SPIRE1: variants seen among roughly 807,000 people sequenced by gnomAD.
SPIRE1 encodes spire type actin nucleation factor 1.
A neutral mutation model predicts 94.1 loss-of-function variants in SPIRE1; 40 were observed. The observed-to-expected ratio is 0.43, with a 90% confidence interval of 0.33 to 0.55. The LOEUF (loss-of-function observed/expected upper bound fraction) is 0.55, where lower values mean the gene tolerates loss of function less well. SPIRE1 is among the 20% of genes least tolerant of loss of function. SPIRE1 has a pLI of 0.06. For missense variants in SPIRE1, 838 were observed against 975.2 expected (o/e 0.86, Z 1.87); for synonymous variants, 376 against 371.7 (o/e 1.01, Z -0.13).
chr18:12,553,689 G>A (rs558857245), intron 2 of SPIRE1, among the ~76,000 whole-genome samples: 8 of 152,220 alleles, frequency 5.3e-5, no homozygotes, highest in Admixed American at 1.3e-4. Flanking sequence ...GGAAGGACAA[G>A]GGCCTGGCTG....
chr18:12,552,884 C>T (rs963031809), intron 2 of SPIRE1, among the ~76,000 whole-genome samples: 5 of 152,150 alleles, frequency 3.3e-5, no homozygotes, highest in Non-Finnish European at 7.3e-5. Context: ...GGGGTTTTGT[C>T]TGCGGCTCTT....
At chr18:12,484,589 G>A (rs920649558) in intron 9 of SPIRE1, among the ~76,000 whole-genome samples, 5 of 152,156 alleles carry the variant, frequency 3.3e-5, no homozygotes, top group African/African-American at 7.2e-5. Flanking sequence ...GAATTTGTAC[G>A]TAAGGTATGC....
At chr18:12,539,576 TAC>T (rs1274536449) in intron 3 of SPIRE1, among the ~76,000 whole-genome samples, 57 of 144,548 alleles carry the variant, frequency 3.9e-4, no homozygotes, top group African/African-American at 1.4e-3. Context: ...AACATACACA[TAC>T]ACACACACGC....
chr18:12,587,627 G>C (rs2036422942), intron 2 of SPIRE1, among the ~76,000 whole-genome samples: 1 of 151,726 alleles, frequency 6.6e-6, no homozygotes, highest in South Asian at 2.1e-4. Context: ...ATAGAGGGAG[G>C]ATCTGGTACT....
chr18:12,475,850 T>A (rs549100487), intron 10 of SPIRE1, among the ~76,000 whole-genome samples: 3 of 152,292 alleles, frequency 2.0e-5, no homozygotes, highest in African/African-American at 7.2e-5. Context: ...GCCAGCAAGA[T>A]CAAGTGTCCA....
chr18:12,506,568 T>C lies in SPIRE1; in HGVS notation c.881A>G (p.Tyr294Cys), dbSNP rs1207959244. ...VKLKKVQERQ[Y>C]NPLPIEYQLT... Reference sequence around the variant, plus strand: ...CTGATATTCAATGGGCAAAGGGTTGTACTGCCGCTCTTGGACCTTCTTAAG... The same window carrying C: ...CTGATATTCAATGGGCAAAGGGTTGCACTGCCGCTCTTGGACCTTCTTAAG... Residue 294 changes from tyrosine to cysteine, a missense_variant, in exon 6 of 17, where the codon TAC becomes TGC. Tyr to Cys is a radical substitution (Grantham distance 194). Coordinates refer to ENST00000409402, the MANE Select transcript of SPIRE1 (RefSeq NM_001128626.2). 6.2e-7 allele frequency: 1 copy of C among 1,614,120 alleles called. No individual in the cohort carries two copies. Among genetic ancestry groups the C allele is most frequent in the South Asian group, 1.1e-5 (1 of 91,082 alleles).
At chr18:12,495,484 T>C (rs909244145) in intron 7 of SPIRE1, among the ~76,000 whole-genome samples, 4 of 152,204 alleles carry the variant, frequency 2.6e-5, no homozygotes, top group African/African-American at 9.7e-5. Flanking sequence ...TTAGCTGTTA[T>C]CTAGGAGGTA....
chr18:12,495,897 C>T, intron 7 of SPIRE1, 119 bp downstream of exon 7: 1 of 703,612 alleles, frequency 1.4e-6, no homozygotes, highest in Non-Finnish European at 2.4e-6. Context: ...GCTTCATCTT[C>T]AGAGTAAAAA....
At chr18:12,550,131 T>C (rs2035307225) in intron 2 of SPIRE1, among the ~76,000 whole-genome samples, 1 of 152,172 alleles carries the variant, frequency 6.6e-6, no homozygotes. Context: ...AGGTCTTCTA[T>C]TCCTGTTTAA....
At chr18:12,566,331 G>A (rs9966892) in intron 2 of SPIRE1, among the ~76,000 whole-genome samples, 25 of 152,210 alleles carry the variant, frequency 1.6e-4, no homozygotes, top group East Asian at 3.9e-4. Context: ...GTAAGACTCC[G>A]TCTCAAATAA....
chr18:12,613,485 A>G (rs560799560), intron 2 of SPIRE1, among the ~76,000 whole-genome samples: 8 of 152,318 alleles, frequency 5.3e-5, no homozygotes, highest in Non-Finnish European at 1.2e-4. Flanking sequence ...CCTTTAGCCA[A>G]ATGTAGCTAC....
intron 12 of SPIRE1, among the ~76,000 whole-genome samples, chr18:12,458,503 A>T (rs1161480359): frequency 6.6e-6 from 1 of 151,928 alleles, no homozygotes; most frequent in Non-Finnish European, 1.5e-5. Context: ...AGTCCCAGCT[A>T]CTCGGGAGGC....
chr18:12,586,273 T>TA (rs2036387903), intron 2 of SPIRE1, among the ~76,000 whole-genome samples: 1 of 152,166 alleles, frequency 6.6e-6, no homozygotes, highest in South Asian at 2.1e-4. Flanking sequence ...CTTTTTAAAT[T>TA]ACAAAAAAAC....
At chr18:12,628,761 C>T (rs12606482) in intron 2 of SPIRE1, among the ~76,000 whole-genome samples, 85,022 of 151,850 alleles carry the variant, frequency 0.56, 24,953 homozygotes, top group Middle Eastern at 0.76. Flanking sequence ...GAAGAGGTCC[C>T]TCATATCCCT....
chr18:12,562,485 ATT>A (rs905744256), intron 2 of SPIRE1, among the ~76,000 whole-genome samples: 13 of 148,034 alleles, frequency 8.8e-5, no homozygotes, highest in Non-Finnish European at 6.1e-5. Flanking sequence ...TTTATTTTAT[ATT>A]TTTTGTTTTA....
At chr18:12,452,595 G>T (rs950680349) in intron 14 of SPIRE1, 83 bp from the exon 15 acceptor site, 26 of 1,381,910 alleles carry the variant, frequency 1.9e-5, no homozygotes, top group African/African-American at 1.3e-4. Context: ...CAGTACAGTT[G>T]TAAGTTTCCA....
chr18:12,512,653 C>G (rs1010788323), intron 4 of SPIRE1, 122 bp from the exon 5 acceptor site: 18 of 645,150 alleles, frequency 2.8e-5, no homozygotes, highest in Non-Finnish European at 4.0e-5. Flanking sequence ...GGTACAGAAT[C>G]TATTGCTCCG....
intron 1 of SPIRE1, among the ~76,000 whole-genome samples, chr18:12,641,086 A>G (rs1336303653): frequency 6.6e-6 from 1 of 152,162 alleles, no homozygotes; most frequent in Non-Finnish European, 1.5e-5. Flanking sequence ...GGTTCATGAA[A>G]TAATTTGGAA....
chr18:12,572,794 C>G (rs1371027547), intron 2 of SPIRE1, among the ~76,000 whole-genome samples: 1 of 152,122 alleles, frequency 6.6e-6, no homozygotes, highest in East Asian at 1.9e-4. Flanking sequence ...CCAGGATTGT[C>G]TTTTCATCAA....
Sources: allele counts gnomAD v4.1 joint callset (sites outside exome capture counted in the v4.1 genomes callset), GRCh38; gene constraint gnomAD v4.1.1; transcripts MANE v1.5; gene names NCBI Gene and HGNC (gene_info 2026-07-23, HGNC 2026-07-21).